Variants in LONP2 observed in about 807,000 individuals in gnomAD.
The protein encoded by LONP2 is lon peptidase 2, peroxisomal, also known as lon protease homolog 2, peroxisomal.
Under a neutral mutation model 85.6 loss-of-function variants are expected in LONP2, and 60 were observed. The observed-to-expected ratio is 0.70, with a 90% CI of 0.57 to 0.87. LONP2 has a LOEUF of 0.87. LONP2 is among the 40% of genes least tolerant of loss of function. The pLI is 0.00. For synonymous variants in LONP2, 395 were observed against 389.7 expected (o/e 1.01, Z -0.16); for missense variants, 860 against 1,063.5 (o/e 0.81, Z 2.66).
rs1255958384 is a variant in LONP2 at position 48,288,899 on chromosome 16, G to T, written c.1384-7116G>T. Among the ~76,000 whole-genome samples the T allele has an allele frequency of 4.6e-5, 7 of 152,242 alleles. No homozygotes were observed. In the East Asian group the frequency reaches 1.3e-3, roughly 29 times the overall value. Reference sequence around the variant, plus strand: ...TATATAATAGATACATAATATATATGTACCAGTGTGCCCATATCATGTACT... The same window carrying T: ...TATATAATAGATACATAATATATATTTACCAGTGTGCCCATATCATGTACT... On this transcript the variant is annotated intron_variant, in intron 8 of 14. Coordinates refer to ENST00000285737, the MANE Select transcript of LONP2 (RefSeq NM_031490.5).
At chr16:48,319,408 TTG>T (rs1348638256) in intron 11 of LONP2, among the ~76,000 whole-genome samples, 1 of 152,110 alleles carries the variant, frequency 6.6e-6, no homozygotes, top group Non-Finnish European at 1.5e-5. Flanking sequence ...CCTCTGTGCT[TTG>T]TGTAACTTTT....
downstream of LONP2, among the ~76,000 whole-genome samples, chr16:48,359,587 G>A (rs1057176576): frequency 6.6e-5 from 10 of 152,136 alleles, no homozygotes; most frequent in South Asian, 2.1e-4. Flanking sequence ...ATGGTGGCAC[G>A]TGCCTGTAGT....
At chr16:48,303,420 C>A (rs909245952) in intron 11 of LONP2, 115 bp downstream of exon 11, 2 of 1,167,332 alleles carry the variant, frequency 1.7e-6, no homozygotes, top group Non-Finnish European at 2.5e-6. Flanking sequence ...GCACACATGA[C>A]TCCACTGTTA....
chr16:48,332,629 T>G (rs995406789), intron 11 of LONP2, among the ~76,000 whole-genome samples: 8 of 152,024 alleles, frequency 5.3e-5, no homozygotes, highest in Admixed American at 1.3e-4. Flanking sequence ...GAGAATCGCT[T>G]GAACCCAGGA....
chr16:48,266,362 T>G (rs947994733), intron 6 of LONP2, among the ~76,000 whole-genome samples: 1 of 152,008 alleles, frequency 6.6e-6, no homozygotes, highest in Non-Finnish European at 1.5e-5. Context: ...GAAGTGTAAT[T>G]GACGTACAGT....
intron 14 of LONP2, among the ~76,000 whole-genome samples, chr16:48,348,906 G>GAT (rs1317873520): frequency 2.6e-5 from 4 of 152,166 alleles, no homozygotes; most frequent in African/African-American, 9.7e-5. Flanking sequence ...AATTGTTAAA[G>GAT]ATATAGCACA....
At chr16:48,289,746 T>G (rs1972521485) in intron 8 of LONP2, among the ~76,000 whole-genome samples, 1 of 151,202 alleles carries the variant, frequency 6.6e-6, no homozygotes. Context: ...CTGGTATTTA[T>G]AAATAAAAAA....
intron 1 of LONP2, 134 bp from the exon 2 acceptor site, chr16:48,251,997 T>A (rs1169264507): frequency 1.6e-6 from 1 of 623,110 alleles, no homozygotes; most frequent in Non-Finnish European, 2.5e-6. Flanking sequence ...CTAAGTTAAA[T>A]AGAGAAAAAA....
At chr16:48,360,158 G>C (rs1350675037), downstream of LONP2, among the ~76,000 whole-genome samples, 1 of 152,260 alleles carries the variant, frequency 6.6e-6, no homozygotes, top group Non-Finnish European at 1.5e-5. Context: ...TCACACAGCT[G>C]GTTAGTGGGG....
intron 11 of LONP2, among the ~76,000 whole-genome samples, chr16:48,328,851 G>A (rs1483980148): frequency 1.3e-5 from 2 of 150,416 alleles, no homozygotes; most frequent in Non-Finnish European, 3.0e-5. Flanking sequence ...GGGAGGGGCG[G>A]TGGGGGGAGC....
At chr16:48,314,861 TGC>T (rs1973109634) in intron 11 of LONP2, among the ~76,000 whole-genome samples, 2 of 152,364 alleles carry the variant, frequency 1.3e-5, no homozygotes, top group South Asian at 4.1e-4. Flanking sequence ...TCAACAAACT[TGC>T]CACATTCACT....
intron 12 of LONP2, chr16:48,334,660 G>A: frequency 3.4e-6 from 2 of 596,676 alleles, no homozygotes; most frequent in South Asian, 3.1e-5. Flanking sequence ...GGCGCAGGGT[G>A]GACTCTTTCT....
rs569043606 is a variant in LONP2 at position 48,299,983 on chromosome 16, T to A, written c.1661+195T>A. Among the ~76,000 whole-genome samples, 55 of 152,368 alleles carry A rather than the reference T, an allele frequency of 3.6e-4. 1 individual carries two copies. The highest frequency in any genetic ancestry group is 1.6e-3 in the Admixed American group (24 of 15,304). ...TTTCTTCAACAACTTCCAGCAAGTG[T>A]TATCATAACTATTGATTTACACCGT... On this transcript the variant is annotated intron_variant, in intron 10 of 14. Transcript: ENST00000285737.
Position 48,252,287 on chromosome 16 carries a change from TGAG to T in LONP2, c.394_396del (p.Glu132del), listed in dbSNP as rs1182709749. On this transcript the variant is annotated inframe_deletion, in exon 2 of 15. Transcript: ENST00000285737. Reference sequence around the variant, plus strand: ...CTGAAGTGGAGCAGTTGGACCGACTTGAGGAGTTTCCCAACACCTGTAAAATGA... The same window carrying T: ...CTGAAGTGGAGCAGTTGGACCGACTTGAGTTTCCCAACACCTGTAAAATGA... The T allele has an allele frequency of 1.2e-6, 2 of 1,613,976 alleles. No homozygotes were observed. The highest frequency in any genetic ancestry group is 2.7e-5 in the African/African-American group (2 of 74,930).
intron 12 of LONP2, chr16:48,344,382 G>A (rs1433387148): frequency 6.6e-6 from 1 of 152,170 alleles, no homozygotes; most frequent in Non-Finnish European, 1.5e-5. Context: ...TGTGTATATA[G>A]ATGTTAAGTT....
At chr16:48,312,306 T>C (rs931951263) in intron 11 of LONP2, among the ~76,000 whole-genome samples, 2 of 152,290 alleles carry the variant, frequency 1.3e-5, no homozygotes. Context: ...ATTTGTTTTT[T>C]AGTTAGGATC....
chr16:48,313,606 G>T (rs565847940), intron 11 of LONP2, among the ~76,000 whole-genome samples: 1 of 152,252 alleles, frequency 6.6e-6, no homozygotes, highest in African/African-American at 2.4e-5. Flanking sequence ...GCATTAGTTT[G>T]TTGAGGATAA....
intron 1 of LONP2, among the ~76,000 whole-genome samples, chr16:48,249,171 A>G (rs986992275): frequency 1.3e-5 from 2 of 152,204 alleles, no homozygotes; most frequent in Non-Finnish European, 2.9e-5. Context: ...ATTATCTTAA[A>G]ACCTCTGAGG....
At chr16:48,245,108 C>T (rs1200062063) in intron 1 of LONP2, among the ~76,000 whole-genome samples, 1 of 152,150 alleles carries the variant, frequency 6.6e-6, no homozygotes, top group African/African-American at 2.4e-5. Context: ...TTAACTTTTC[C>T]TGTTTCATTC....
Sources: gnomAD v4.1 joint callset for allele counts (sites outside exome capture counted in the v4.1 genomes callset) on GRCh38, gnomAD v4.1.1 for gene constraint, MANE v1.5 for transcripts, NCBI Gene and HGNC (gene_info 2026-07-23, HGNC 2026-07-21) for gene names.